Variants in CHRM3 observed in about 807,000 individuals in gnomAD.
CHRM3 encodes the protein cholinergic receptor muscarinic 3.
CHRM3 carries 11 observed loss-of-function variants against 41.8 expected under a neutral mutation model. The observed-to-expected ratio is 0.26, with a 90% CI of 0.17 to 0.44. The LOEUF (loss-of-function observed/expected upper bound fraction) is 0.44, where lower values mean the gene tolerates loss of function less well. Among genes scored for constraint, CHRM3 ranks in the 20% least tolerant of loss-of-function variants. The probability of loss-of-function intolerance (pLI) is 1.00; values close to 1 mark genes in which losing one functional copy is unlikely to be tolerated. For synonymous variants in CHRM3, 297 were observed against 301.4 expected, an observed-to-expected ratio of 0.99 and a Z score of 0.15; for missense variants, 571 against 745.4, an observed-to-expected ratio of 0.77 and a Z score of 2.72.
At chr1:239,741,211 A>G (rs1211070405) in intron 5 of CHRM3, among the ~76,000 whole-genome samples, 4 of 152,168 alleles carry the variant, frequency 2.6e-5, no homozygotes, top group Admixed American at 2.6e-4. Context: ...AGATATTTTT[A>G]TGTTTTGATC....
At chr1:239,404,350 G>GAGAA (rs1178581793) in intron 1 of CHRM3, among the ~76,000 whole-genome samples, 876 of 68,740 alleles carry the variant, frequency 0.013, 35 homozygotes, top group East Asian at 0.034. Context: ...GAAAGAGAAA[G>GAGAA]AGAAAGAAAG....
intron 4 of CHRM3, among the ~76,000 whole-genome samples, chr1:239,655,464 T>A (rs1672627518): frequency 6.6e-6 from 1 of 152,208 alleles, no homozygotes; most frequent in Non-Finnish European, 1.5e-5. Context: ...TGGGAGATAA[T>A]CTTACTTTCA....
At chr1:239,553,505 A>T (rs1660062794) in intron 3 of CHRM3, among the ~76,000 whole-genome samples, 1 of 152,122 alleles carries the variant, frequency 6.6e-6, no homozygotes, top group African/African-American at 2.4e-5. Flanking sequence ...CATAAAAATC[A>T]AATAATATCA....
intron 6 of CHRM3, among the ~76,000 whole-genome samples, chr1:239,891,916 A>C: frequency 6.6e-6 from 1 of 152,132 alleles, no homozygotes; most frequent in East Asian, 1.9e-4. Flanking sequence ...CCTAGTTATT[A>C]AGGGTGGGGG....
intron 5 of CHRM3, among the ~76,000 whole-genome samples, chr1:239,734,312 C>A (rs963524323): frequency 6.6e-6 from 1 of 151,972 alleles, no homozygotes; most frequent in Non-Finnish European, 1.5e-5. Context: ...GAGGTCATGT[C>A]GAAAGGACTC....
rs903589172 is a variant in CHRM3 at position 239,516,966 on chromosome 1, A to C, written c.-422+24159A>C. ...GTCTCTCCCATCACCCTAAGATGTGACAATCTAGTTGCAGGAAAACAGGGT... is the reference window on the plus strand; with the variant it reads ...GTCTCTCCCATCACCCTAAGATGTGCCAATCTAGTTGCAGGAAAACAGGGT... On this transcript the variant is annotated intron_variant, in intron 2 of 6. Coordinates refer to ENST00000676153, the MANE Select transcript of CHRM3 (RefSeq NM_001375978.1). Among the ~76,000 whole-genome samples the C allele has an allele frequency of 3.9e-5, 6 of 152,192 alleles. No homozygotes were observed. In the South Asian group the frequency reaches 1.2e-3, roughly 32 times the overall value.
At chr1:239,813,995 G>T (rs943758726) in intron 5 of CHRM3, among the ~76,000 whole-genome samples, 1 of 150,356 alleles carries the variant, frequency 6.7e-6, no homozygotes, top group South Asian at 2.1e-4. Context: ...GCACCCAGAT[G>T]TCACAATAAT....
At chr1:239,780,362 A>G (rs1364685323) in intron 5 of CHRM3, among the ~76,000 whole-genome samples, 2 of 152,094 alleles carry the variant, frequency 1.3e-5, no homozygotes, top group Non-Finnish European at 2.9e-5. Flanking sequence ...TTTACTTTGC[A>G]TTTCTCTAAG....
intron 2 of CHRM3, among the ~76,000 whole-genome samples, chr1:239,507,151 G>A (rs1376756227): frequency 2.0e-5 from 3 of 152,160 alleles, no homozygotes; most frequent in Admixed American, 6.5e-5. Context: ...TTGGGGGACT[G>A]TTCAGAAGGC....
chr1:239,585,076 T>C (rs1377652841), intron 3 of CHRM3, among the ~76,000 whole-genome samples: 2 of 149,986 alleles, frequency 1.3e-5, no homozygotes, highest in Non-Finnish European at 3.0e-5. Context: ...TATATATATG[T>C]ATACACACAT....
intron 5 of CHRM3, among the ~76,000 whole-genome samples, chr1:239,826,560 A>G (rs953766867): frequency 3.5e-4 from 53 of 152,350 alleles, no homozygotes; most frequent in African/African-American, 1.2e-3. Context: ...CAAATATGCA[A>G]AAAAATTACC....
chr1:239,584,891 C>T (rs187875701), intron 3 of CHRM3, among the ~76,000 whole-genome samples: 24 of 152,186 alleles, frequency 1.6e-4, no homozygotes, highest in Non-Finnish European at 3.2e-4. Flanking sequence ...TTACAAAGCT[C>T]ATTAAGAACT....
intron 4 of CHRM3, among the ~76,000 whole-genome samples, chr1:239,670,455 A>G (rs1674241929): frequency 6.6e-6 from 1 of 152,154 alleles, no homozygotes; most frequent in Non-Finnish European, 1.5e-5. Context: ...TTAAGATTCC[A>G]TTGCATGACA....
At chr1:239,663,738 T>C (rs1673494774) in intron 4 of CHRM3, among the ~76,000 whole-genome samples, 1 of 152,232 alleles carries the variant, frequency 6.6e-6, no homozygotes. Context: ...AATTGTAGAA[T>C]GCGCTTACCA....
intron 1 of CHRM3, among the ~76,000 whole-genome samples, chr1:239,418,852 G>A (rs1052731609): frequency 6.6e-6 from 1 of 152,140 alleles, no homozygotes; most frequent in African/African-American, 2.4e-5. Flanking sequence ...TGCTTCACAG[G>A]ACACTAATGC....
chr1:239,692,347 T>C (rs1659802170), intron 5 of CHRM3, among the ~76,000 whole-genome samples: 1 of 152,196 alleles, frequency 6.6e-6, no homozygotes, highest in Admixed American at 6.5e-5. Flanking sequence ...GAGAGATTTC[T>C]GTATCAACAA....
chr1:239,601,584 A>G (rs1394807000), intron 3 of CHRM3, among the ~76,000 whole-genome samples: 2 of 152,200 alleles, frequency 1.3e-5, no homozygotes, highest in Non-Finnish European at 2.9e-5. Flanking sequence ...CAGTGTAGCA[A>G]TGAACAAATT....
intron 3 of CHRM3, among the ~76,000 whole-genome samples, chr1:239,617,428 C>A (rs935423130): frequency 5.3e-5 from 8 of 152,086 alleles, no homozygotes; most frequent in African/African-American, 1.9e-4. Context: ...ACAGTACCAG[C>A]AAGGGTGAAT....
intron 3 of CHRM3, among the ~76,000 whole-genome samples, chr1:239,553,423 T>A (rs1660057183): frequency 6.6e-6 from 1 of 151,990 alleles, no homozygotes; most frequent in African/African-American, 2.4e-5. Context: ...TGGAGACACA[T>A]TCTCAGTTAG....
Sources: allele counts gnomAD v4.1 joint callset (sites outside exome capture counted in the v4.1 genomes callset), GRCh38; gene constraint gnomAD v4.1.1; transcripts MANE v1.5; gene names NCBI Gene and HGNC (gene_info 2026-07-23, HGNC 2026-07-21).